The following ADAM10 variants were observed in gnomAD, a reference collection of about 807,000 sequenced individuals.
The protein encoded by ADAM10 is ADAM metallopeptidase domain 10.
A neutral mutation model predicts 90.1 loss-of-function variants in ADAM10; 17 were observed. The observed-to-expected ratio is 0.19, with a 90% confidence interval of 0.13 to 0.28. The LOEUF (loss-of-function observed/expected upper bound fraction) is 0.28. Ranked by LOEUF, ADAM10 falls within the 10% of genes least tolerant of loss-of-function variation. ADAM10 has a pLI of 1.00. For missense variants in ADAM10, 610 were observed against 914.3 expected (o/e 0.67, Z 4.29); for synonymous variants, 310 against 298.6 (o/e 1.04, Z -0.40).
At chr15:58,637,262 A>G (rs1393127829) in intron 8 of ADAM10, among the ~76,000 whole-genome samples, 1 of 152,250 alleles carries the variant, frequency 6.6e-6, no homozygotes, top group East Asian at 1.9e-4. Flanking sequence ...CAAATAGAGG[A>G]GTACTGAAGG....
chr15:58,668,007 T>C (rs1203446843), intron 4 of ADAM10, among the ~76,000 whole-genome samples: 3 of 152,166 alleles, frequency 2.0e-5, no homozygotes, highest in African/African-American at 4.8e-5. Context: ...CTCACAACAC[T>C]GATCTCTCTG....
chr15:58,623,406 A>G (rs1431006229), intron 10 of ADAM10, among the ~76,000 whole-genome samples: 1 of 152,214 alleles, frequency 6.6e-6, no homozygotes, highest in Non-Finnish European at 1.5e-5. Flanking sequence ...AGACTGGCCT[A>G]GATGAAAGCA....
chr15:58,623,690 A>T (rs1319057137), intron 10 of ADAM10, among the ~76,000 whole-genome samples: 2 of 152,206 alleles, frequency 1.3e-5, no homozygotes, highest in Admixed American at 1.3e-4. Flanking sequence ...AGAAGCCATC[A>T]TACCCAGAAA....
At chr15:58,691,848 G>T (rs1211534368) in intron 2 of ADAM10, among the ~76,000 whole-genome samples, 1 of 151,780 alleles carries the variant, frequency 6.6e-6, no homozygotes, top group Non-Finnish European at 1.5e-5. Context: ...GCTAATTTTT[G>T]TATTTTTAGT....
intron 2 of ADAM10, chr15:58,691,552 G>A (rs545134630): frequency 4.5e-5 from 24 of 533,346 alleles, no homozygotes; most frequent in African/African-American, 1.3e-4. Context: ...GACAGGTGTC[G>A]CCAGTTAATA....
intron 5 of ADAM10, among the ~76,000 whole-genome samples, chr15:58,661,798 C>T (rs1480763894): frequency 6.6e-6 from 1 of 152,054 alleles, no homozygotes; most frequent in African/African-American, 2.4e-5. Context: ...TGGATACTGT[C>T]TATTTTATTT....
At chr15:58,634,085 C>G (rs1028730068) in intron 8 of ADAM10, among the ~76,000 whole-genome samples, 1 of 151,894 alleles carries the variant, frequency 6.6e-6, no homozygotes, top group Non-Finnish European at 1.5e-5. Context: ...CCGAGGCAGG[C>G]AGATCACTTG....
At chr15:58,623,090 T>A (rs1432132299) in intron 10 of ADAM10, among the ~76,000 whole-genome samples, 4 of 152,168 alleles carry the variant, frequency 2.6e-5, no homozygotes, top group African/African-American at 9.7e-5. Flanking sequence ...CAGGAACCCA[T>A]ACATCTCAAC....
chr15:58,691,482 TAC>T (rs757585743), intron 2 of ADAM10: 14 of 618,864 alleles, frequency 2.3e-5, no homozygotes, highest in Non-Finnish European at 4.1e-5. Context: ...GCAAGACACA[TAC>T]TCTGACAGAG....
chr15:58,588,896 A>C lies in ADAM10; in HGVS notation c.*8651T>G, dbSNP rs1221926066. 1 of 152,202 alleles carries C rather than the reference A, an allele frequency of 6.6e-6. No individual in the cohort carries two copies. Among genetic ancestry groups the C allele is most frequent in the Non-Finnish European group, 1.5e-5 (1 of 68,036 alleles). 9.4% of individuals were successfully genotyped at this position (152,202 alleles called of 1,614,324 possible). On this transcript the variant is annotated 3_prime_UTR_variant, in exon 16 of 16. Transcript: ENST00000260408. ...TTGTTACTTACATGCCCCAAAGCTA[A>C]GTTATGCCTTTCCCATTTTTGCAAA...
At chr15:58,623,152 G>A (rs1044688637) in intron 10 of ADAM10, among the ~76,000 whole-genome samples, 3 of 152,134 alleles carry the variant, frequency 2.0e-5, no homozygotes, top group Admixed American at 1.3e-4. Flanking sequence ...TAGAAAGACT[G>A]GCTTTATATT....
chr15:58,688,786 A>ATATCTATCTCTCTC, intron 2 of ADAM10, among the ~76,000 whole-genome samples: 1 of 122,394 alleles, frequency 8.2e-6, no homozygotes, highest in African/African-American at 3.6e-5. Flanking sequence ...ATATATATAT[A>ATATCTATCTCTCTC]TCTCTCTCTC....
At chr15:58,659,551 T>C (rs115847726) in intron 5 of ADAM10, among the ~76,000 whole-genome samples, 3,826 of 152,296 alleles carry the variant, frequency 0.025, 178 homozygotes, top group African/African-American at 0.087. Flanking sequence ...ATTTCTGGTA[T>C]AAACTTCATT....
At chr15:58,699,892 T>C (rs1898083181) in intron 2 of ADAM10, among the ~76,000 whole-genome samples, 1 of 152,112 alleles carries the variant, frequency 6.6e-6, no homozygotes, top group African/African-American at 2.4e-5. Context: ...AACTTTCCAC[T>C]TAAAAGATAA....
chr15:58,629,186 A>G (rs1360174930), intron 9 of ADAM10: 3 of 152,242 alleles, frequency 2.0e-5, no homozygotes, highest in Non-Finnish European at 2.9e-5. Context: ...ATGAATGTCC[A>G]GTGCTATAAA....
intron 2 of ADAM10, among the ~76,000 whole-genome samples, chr15:58,690,761 C>T (rs913021486): frequency 3.9e-5 from 6 of 152,248 alleles, no homozygotes; most frequent in African/African-American, 1.4e-4. Flanking sequence ...ATGTGAAACA[C>T]ATCCTCAGGA....
At chr15:58,697,988 C>T (rs1898023798) in intron 2 of ADAM10, among the ~76,000 whole-genome samples, 1 of 152,248 alleles carries the variant, frequency 6.6e-6, no homozygotes, top group African/African-American at 2.4e-5. Flanking sequence ...AATGCCCTAC[C>T]CAATCAACAT....
intron 5 of ADAM10, among the ~76,000 whole-genome samples, chr15:58,649,165 G>C (rs1248468345): frequency 6.6e-6 from 1 of 151,648 alleles, no homozygotes; most frequent in Admixed American, 6.6e-5. Flanking sequence ...CCTTGTTTTG[G>C]ATTTTGAATT....
chr15:58,702,116 A>C (rs1898152533), intron 2 of ADAM10, among the ~76,000 whole-genome samples: 1 of 152,202 alleles, frequency 6.6e-6, no homozygotes, highest in African/African-American at 2.4e-5. Context: ...AAAAAAAAGA[A>C]AAAGAAAAGG....
Sources: gnomAD v4.1 joint callset for allele counts (sites outside exome capture counted in the v4.1 genomes callset) on GRCh38, gnomAD v4.1.1 for gene constraint, MANE v1.5 for transcripts, NCBI Gene and HGNC (gene_info 2026-07-23, HGNC 2026-07-21) for gene names.